The following MME variants were observed in gnomAD, a reference collection of about 807,000 sequenced individuals.
The protein encoded by MME is membrane metalloendopeptidase.
In MME, 98 loss-of-function variants were observed where a neutral mutation model predicts 113.2. That is an observed-to-expected ratio of 0.87 (90% CI 0.74 to 1.02). The LOEUF (loss-of-function observed/expected upper bound fraction) is 1.02. MME is among the 50% of genes least tolerant of loss of function. MME has a pLI of 0.00. For missense variants in MME, 836 were observed against 896.0 expected (o/e 0.93, Z 0.86); for synonymous variants, 292 against 300.6 (o/e 0.97, Z 0.30).
chr3:155,084,451 T>A, intron 2 of MME, 124 bp downstream of exon 2: 2 of 963,392 alleles, frequency 2.1e-6, no homozygotes, highest in Non-Finnish European at 3.2e-6. Context: ...ACAAAGAGAT[T>A]CATTTATAAA....
chr3:155,106,652 G>T (rs1205390255), intron 3 of MME, among the ~76,000 whole-genome samples: 1 of 152,164 alleles, frequency 6.6e-6, no homozygotes, highest in Non-Finnish European at 1.5e-5. Flanking sequence ...TCTCTGAATT[G>T]TGGTTGGGGG....
At chr3:155,026,811 G>A (rs1430217784) in intron 1 of MME, among the ~76,000 whole-genome samples, 2 of 152,138 alleles carry the variant, frequency 1.3e-5, no homozygotes, top group African/African-American at 4.8e-5. Flanking sequence ...GTATCTGAGT[G>A]TGATTCTTCA....
At chr3:155,082,595 T>C (rs1158684533) in intron 1 of MME, among the ~76,000 whole-genome samples, 1 of 152,228 alleles carries the variant, frequency 6.6e-6, no homozygotes, top group Admixed American at 6.5e-5. Context: ...TAAGACATTT[T>C]AACATTCAGG....
intron 8 of MME, among the ~76,000 whole-genome samples, chr3:155,136,848 T>C (rs1482634480): frequency 6.6e-6 from 1 of 152,218 alleles, no homozygotes; most frequent in Non-Finnish European, 1.5e-5. Flanking sequence ...AGCCTTTCTT[T>C]GTATTTACCC....
At chr3:155,142,411 A>G (rs1235768497) in intron 12 of MME, 81 bp downstream of exon 12, 1 of 1,166,502 alleles carries the variant, frequency 8.6e-7, no homozygotes, top group South Asian at 1.3e-5. Flanking sequence ...GTACACTGCT[A>G]GGACATGGTG....
chr3:155,142,219 G>A lies in MME; in HGVS notation c.1095-18G>A, dbSNP rs199954735. On this transcript the variant is annotated intron_variant, in intron 11 of 22. Coordinates refer to ENST00000360490, the MANE Select transcript of MME (RefSeq NM_007289.4). ...GCCTCATCTTTTCTGTTGCTGGGCG[G>A]TGGTTTTTTTTATACAGAGATCTTC... The A allele has an allele frequency of 1.9e-6, 3 of 1,612,916 alleles. No homozygotes were observed. Among genetic ancestry groups the A allele is most frequent in the South Asian group, 1.1e-5 (1 of 91,052 alleles).
intron 1 of MME, among the ~76,000 whole-genome samples, chr3:155,027,747 C>T (rs951463137): frequency 6.6e-6 from 1 of 152,132 alleles, no homozygotes; most frequent in African/African-American, 2.4e-5. Context: ...AGATTAAAAA[C>T]ACACAAATAG....
chr3:155,049,657 ATCTATC>A (rs1210245461), intron 1 of MME, among the ~76,000 whole-genome samples: 84 of 151,874 alleles, frequency 5.5e-4, no homozygotes, highest in African/African-American at 1.9e-3. Context: ...CTATCTATCT[ATCTATC>A]TATCTATCTA....
intron 16 of MME, among the ~76,000 whole-genome samples, chr3:155,159,523 A>G (rs1451511592): frequency 1.3e-5 from 2 of 152,036 alleles, no homozygotes; most frequent in Admixed American, 1.3e-4. Flanking sequence ...TTCTGAACAC[A>G]TGATTATTAA....
chr3:155,130,574 G>T (rs140485675), intron 8 of MME, among the ~76,000 whole-genome samples: 553 of 152,226 alleles, frequency 3.6e-3, no homozygotes, highest in Non-Finnish European at 6.2e-3. Context: ...GGGCACAATG[G>T]ACTGAAGCCA....
At chr3:155,094,612 A>G (rs1438003663) in intron 3 of MME, among the ~76,000 whole-genome samples, 1 of 152,250 alleles carries the variant, frequency 6.6e-6, no homozygotes, top group Non-Finnish European at 1.5e-5. Flanking sequence ...ATATTCTCAA[A>G]TAAAAATGTG....
intron 1 of MME, among the ~76,000 whole-genome samples, chr3:155,051,078 A>G (rs888178067): frequency 5.3e-5 from 8 of 152,232 alleles, no homozygotes; most frequent in African/African-American, 1.7e-4. Context: ...CAGAAAAGAC[A>G]TAAATTGAGG....
At chr3:155,153,467 C>T (rs1722096081) in intron 16 of MME, among the ~76,000 whole-genome samples, 1 of 152,058 alleles carries the variant, frequency 6.6e-6, no homozygotes, top group South Asian at 2.1e-4. Context: ...CCTTTGGTTA[C>T]TTAACAATAT....
chr3:155,042,718 T>C (rs1190342042), intron 1 of MME, among the ~76,000 whole-genome samples: 2 of 151,732 alleles, frequency 1.3e-5, no homozygotes, highest in Non-Finnish European at 2.9e-5. Context: ...GTGAAAAATA[T>C]CACTTTGCTT....
intron 3 of MME, among the ~76,000 whole-genome samples, chr3:155,113,487 C>T (rs1008161491): frequency 2.0e-5 from 3 of 152,044 alleles, no homozygotes; most frequent in Admixed American, 2.0e-4. Context: ...ATCATGTTGG[C>T]CAGGCTGGTA....
chr3:155,150,115 A>G (rs1196309876), intron 16 of MME, among the ~76,000 whole-genome samples: 2 of 152,210 alleles, frequency 1.3e-5, no homozygotes, highest in Non-Finnish European at 2.9e-5. Flanking sequence ...AGATTTAATA[A>G]TTGTTAGCAC....
At chr3:155,058,632 A>G (rs1358667506) in intron 1 of MME, among the ~76,000 whole-genome samples, 2 of 152,192 alleles carry the variant, frequency 1.3e-5, no homozygotes, top group Non-Finnish European at 2.9e-5. Context: ...CAACATTGGA[A>G]TTGAATGTAT....
chr3:155,056,932 T>C (rs899852047), intron 1 of MME, among the ~76,000 whole-genome samples: 7 of 152,184 alleles, frequency 4.6e-5, no homozygotes, highest in African/African-American at 1.7e-4. Context: ...TTACACCTTA[T>C]ACAAAAATTA....
At chr3:155,111,590 C>A (rs1718194193) in intron 3 of MME, among the ~76,000 whole-genome samples, 1 of 152,154 alleles carries the variant, frequency 6.6e-6, no homozygotes, top group Admixed American at 6.6e-5. Flanking sequence ...CACTCATGAT[C>A]AGAGAACTGA....
Sources: gnomAD v4.1 joint callset for allele counts (sites outside exome capture counted in the v4.1 genomes callset) on GRCh38, gnomAD v4.1.1 for gene constraint, MANE v1.5 for transcripts, NCBI Gene and HGNC (gene_info 2026-07-23, HGNC 2026-07-21) for gene names.